MCCC1: variants seen among roughly 807,000 people sequenced by gnomAD.
The protein encoded by MCCC1 is methylcrotonoyl-CoA carboxylase subunit alpha, mitochondrial.
In MCCC1, 64 loss-of-function variants were observed where a neutral mutation model predicts 83.8. The ratio of observed to expected loss-of-function variants is 0.76; its 90% CI spans 0.62 to 0.94. MCCC1 has a LOEUF of 0.94. MCCC1 is among the 40% of genes least tolerant of loss of function. The pLI, the probability that MCCC1 is intolerant of heterozygous loss-of-function variation, is 0.00. For synonymous variants in MCCC1, 322 were observed against 315.4 expected, an observed-to-expected ratio of 1.02 and a Z score of -0.22; for missense variants, 807 against 904.7, an observed-to-expected ratio of 0.89 and a Z score of 1.39.
intron 13 of MCCC1, among the ~76,000 whole-genome samples, 169 bp from the exon 14 acceptor site, chr3:183,034,246 C>T (rs372775210): frequency 2.1e-4 from 32 of 152,058 alleles, no homozygotes; most frequent in African/African-American, 6.0e-4. Flanking sequence ...GTCAGGAGAT[C>T]GAGACCATCC....
chr3:183,099,560 G>C, upstream of MCCC1: 2 of 1,214,052 alleles, frequency 1.6e-6, no homozygotes, highest in South Asian at 1.3e-5. Flanking sequence ...CGGAGCCTGA[G>C]CCTACCTTTG....
At chr3:183,025,719 AG>A (rs773101355) in intron 15 of MCCC1, 35 bp downstream of exon 15, 4 of 1,589,332 alleles carry the variant, frequency 2.5e-6, no homozygotes, top group Non-Finnish European at 3.5e-6. Context: ...GGTCAGATTC[AG>A]CTCTGCACTG....
At chr3:183,105,419 A>G (rs1719387786) in intron 1 of MCCC1, among the ~76,000 whole-genome samples, 1 of 152,244 alleles carries the variant, frequency 6.6e-6, no homozygotes, top group Admixed American at 6.5e-5. Flanking sequence ...ACAGAGCAAT[A>G]TGTACTCATA....
intron 7 of MCCC1, among the ~76,000 whole-genome samples, chr3:183,058,150 A>G (rs1015238639): frequency 1.2e-4 from 18 of 152,340 alleles, no homozygotes; most frequent in African/African-American, 4.1e-4. Flanking sequence ...TATATTGTCA[A>G]AAGACCAATG....
chr3:183,080,610 CT>C (rs1357965496), intron 4 of MCCC1, among the ~76,000 whole-genome samples: 1 of 152,250 alleles, frequency 6.6e-6, no homozygotes, highest in Non-Finnish European at 1.5e-5. Flanking sequence ...GTTCCAACCT[CT>C]GCCTGTTACC....
chr3:183,042,350 C>T (rs1714159589), intron 10 of MCCC1, among the ~76,000 whole-genome samples: 1 of 152,136 alleles, frequency 6.6e-6, no homozygotes, highest in Non-Finnish European at 1.5e-5. Flanking sequence ...ATAATTATTA[C>T]TATTTTAGTT....
intron 8 of MCCC1, among the ~76,000 whole-genome samples, 185 bp from the exon 9 acceptor site, chr3:183,052,425 G>C (rs558790169): frequency 1.3e-5 from 2 of 152,302 alleles, no homozygotes; most frequent in East Asian, 3.9e-4. Flanking sequence ...TGACACTGTA[G>C]CTGTCATAAC....
chr3:183,099,373 G>C lies in MCCC1; in HGVS notation c.68C>G (p.Pro23Arg). 1 of 1,602,052 alleles carries C rather than the reference G, an allele frequency of 6.2e-7. No homozygotes were observed. Among genetic ancestry groups the C allele is most frequent in the South Asian group, 1.1e-5 (1 of 89,606 alleles). The change falls in exon 1 of 19, where the codon CCG becomes CGG. Residue 23 changes from proline (P) to arginine (R), a missense_variant. By Grantham distance (103) the Pro-to-Arg change is moderately radical. Transcript: ENST00000265594. ...CCACCTCGGCGGCAGGAGCAGGCTC[G>C]GGAGACGATGCCACCGGTTCCTCTC... ...AAERNRWHRL[P>R]SLLLPPRTWV...
chr3:183,017,286 T>C lies in MCCC1; in HGVS notation c.2029A>G (p.Met677Val). 1.2e-6 allele frequency: 2 copies of C among 1,613,964 alleles called. No homozygotes were observed. The highest frequency in any genetic ancestry group is 1.7e-6 in the Non-Finnish European group (2 of 1,180,008). ...CTTACCTCCATCTTCATGGCGATCA[T>C]AACCATGAGGGAATCTCCCGCTTTC... ...KVKAGDSLMV[M>V]IAMKMEHTIK... Residue 677 changes from methionine (M) to valine (V), a missense_variant, in exon 18 of 19, where the codon ATG becomes GTG. Transcript: ENST00000265594.
intron 9 of MCCC1, among the ~76,000 whole-genome samples, chr3:183,047,438 CA>C (rs113537614): frequency 6.6e-5 from 10 of 152,060 alleles, no homozygotes; most frequent in African/African-American, 2.4e-4. Flanking sequence ...CATCTTTCAA[CA>C]AAAAATTACA....
chr3:183,059,072 C>T (rs1469766471), intron 7 of MCCC1, among the ~76,000 whole-genome samples: 1 of 152,148 alleles, frequency 6.6e-6, no homozygotes, highest in African/African-American at 2.4e-5. Flanking sequence ...CTTTGGGAAG[C>T]CAAGGCAGGC....
chr3:183,060,846 A>T (rs1257691777), intron 7 of MCCC1, among the ~76,000 whole-genome samples: 3 of 151,874 alleles, frequency 2.0e-5, no homozygotes. Context: ...TGTCCTTGCG[A>T]CAGTTTGCTG....
chr3:183,108,656 G>A (rs1370591641), intron 1 of MCCC1, among the ~76,000 whole-genome samples: 1 of 152,178 alleles, frequency 6.6e-6, no homozygotes, highest in Admixed American at 6.5e-5. Context: ...GGAGGAAGTG[G>A]AAGTGGAGGT....
At chr3:183,058,505 C>T (rs894920619) in intron 7 of MCCC1, among the ~76,000 whole-genome samples, 4 of 151,974 alleles carry the variant, frequency 2.6e-5, no homozygotes, top group African/African-American at 9.7e-5. Flanking sequence ...GCCTGTAGTC[C>T]TAGCCACTCA....
At chr3:183,070,133 T>C (rs1716551652) in intron 7 of MCCC1, among the ~76,000 whole-genome samples, 1 of 152,372 alleles carries the variant, frequency 6.6e-6, no homozygotes, top group Non-Finnish European at 1.5e-5. Flanking sequence ...ATATTTAAAA[T>C]CTGGCACATG....
chr3:183,048,574 C>T (rs969673951), intron 9 of MCCC1, among the ~76,000 whole-genome samples: 1 of 151,990 alleles, frequency 6.6e-6, no homozygotes, highest in Non-Finnish European at 1.5e-5. Flanking sequence ...CATGCATGTA[C>T]CTAACAACAG....
intron 7 of MCCC1, among the ~76,000 whole-genome samples, chr3:183,060,362 C>T (rs1715728906): frequency 6.6e-6 from 1 of 152,058 alleles, no homozygotes; most frequent in Non-Finnish European, 1.5e-5. Context: ...TTACCTTTTA[C>T]ATAACAAAAT....
chr3:183,114,961 T>C (rs537001600), intron 1 of MCCC1, among the ~76,000 whole-genome samples: 49 of 152,288 alleles, frequency 3.2e-4, no homozygotes, highest in African/African-American at 1.2e-3. Context: ...CCAGTTGTTA[T>C]GGTAATGACA....
chr3:183,092,479 G>A lies in MCCC1; in HGVS notation c.203C>T (p.Ala68Val). Residue 68 changes from alanine (A) to valine (V), a missense_variant, in exon 3 of 19, where the codon GCC (alanine) becomes GTC (valine). Transcript: ENST00000265594. Reference protein sequence around the residue: ...GEIACRVMRTAKKLGVQTVAV... With the variant: ...GEIACRVMRTVKKLGVQTVAV... ...CACAGTCTGTACACCCAGTTTTTTG[G>A]CTGTGCGCATCACCCTGCAGGCAAT... 1 of 1,614,140 alleles carries A rather than the reference G, an allele frequency of 6.2e-7. No individual in the cohort carries two copies. The highest frequency in any genetic ancestry group is 8.5e-7 in the Non-Finnish European group (1 of 1,180,020).
Sources: allele counts gnomAD v4.1 joint callset (sites outside exome capture counted in the v4.1 genomes callset), GRCh38; gene constraint gnomAD v4.1.1; transcripts MANE v1.5; gene names NCBI Gene and HGNC (gene_info 2026-07-23, HGNC 2026-07-21).